Variants in PRCD observed in about 807,000 individuals in gnomAD.
PRCD encodes the protein photoreceptor disc component.
PRCD carries 12 observed loss-of-function variants against 10.1 expected under a neutral mutation model. The ratio of observed to expected loss-of-function variants is 1.18; its 90% CI spans 0.76 to 1.92. PRCD has a LOEUF of 1.92. Among genes scored for constraint, PRCD ranks in the 40% most tolerant of loss-of-function variants. The pLI is 0.00. For synonymous variants in PRCD, 31 were observed against 26.2 expected, an observed-to-expected ratio of 1.18 and a Z score of -0.56; for missense variants, 61 against 72.2, an observed-to-expected ratio of 0.84 and a Z score of 0.56.
Position 76,528,547 on chromosome 17 carries a change from G to A in PRCD, n.45+714G>A. On this transcript the variant is annotated intron_variant and non_coding_transcript_variant, in intron 1 of 4. Coordinates refer to the PRCD transcript ENST00000397633. This position sits in a 1 kb window ranked among gnomAD's most constrained non-coding sequence, Gnocchi z 5.8. ...CAGAACTCGGCCTTCTGCTCGAGGT[G>A]CTGCCAGGGAGGGGGGTGGAGTTAG... is the stretch of plus-strand genomic sequence containing the variant. 2 of 1,289,212 alleles carry A rather than the reference G, an allele frequency of 1.6e-6. No homozygotes were observed. Among genetic ancestry groups the A allele is most frequent in the Non-Finnish European group, 2.0e-6 (2 of 1,009,676 alleles). 79.9% of individuals were successfully genotyped at this position (1,289,212 alleles called of 1,614,324 possible). A position where few individuals can be genotyped will look rare whatever the true frequency, so the allele number is the denominator to read the frequency against.
At chr17:76,543,143 C>T (rs925035131) in intron 4 of PRCD, 22 bp downstream of exon 4, 9 of 467,728 alleles carry the variant, frequency 1.9e-5, no homozygotes, top group East Asian at 7.0e-5. Context: ...CCTCTCAGCC[C>T]GGGACCTGCC....
At chr17:76,534,592 A>G (rs1331991758) in intron 1 of PRCD, among the ~76,000 whole-genome samples, 1 of 152,254 alleles carries the variant, frequency 6.6e-6, no homozygotes. Context: ...AATCCTTGCA[A>G]TTCTCTCCTG....
chr17:76,544,909 G>C lies in PRCD; in HGVS notation c.*1259G>C, dbSNP rs144852411. 2.2e-6 allele frequency: 1 copy of C among 456,782 alleles called. No homozygotes were observed. The highest frequency in any genetic ancestry group is 1.5e-5 in the South Asian group (1 of 64,570). The allele number at this position is 456,782 out of a possible 1,614,324, so 28.3% of individuals were successfully genotyped here. A position where few individuals can be genotyped will look rare whatever the true frequency, so the allele number is the denominator to read the frequency against. ...CAGCGCCCCTCCACGCCACTGTTCC[G>C]AGAACCTGCGCAGGAGGTGGTGGCT... is the stretch of plus-strand genomic sequence containing the variant. On this transcript the variant is annotated 3_prime_UTR_variant, in exon 5 of 5. Transcript: ENST00000592014.
Position 76,530,016 on chromosome 17 carries a change from C to A in PRCD, n.45+2183C>A. ...GCCCTCAGGGGACCTCCTCCAGGAG[C>A]TGTGCCTGTGAACAGAAGGGCCGGC... On this transcript the variant is annotated intron_variant and non_coding_transcript_variant, in intron 1 of 4. Coordinates refer to the PRCD transcript ENST00000397633. The surrounding 1 kb of genome is among the most constrained non-coding windows in gnomAD (Gnocchi z 6.1). 1.0e-6 allele frequency: 1 copy of A among 985,372 alleles called. No individual in the cohort carries two copies. Among genetic ancestry groups the A allele is most frequent in the Non-Finnish European group, 1.2e-6 (1 of 829,910 alleles). 61.0% of individuals were successfully genotyped at this position (985,372 alleles called of 1,614,324 possible). A position where few individuals can be genotyped will look rare whatever the true frequency, so the allele number is the denominator to read the frequency against.
chr17:76,540,252 G>T lies in PRCD; in HGVS notation c.74+37G>T, dbSNP rs772352854. 2 of 925,442 alleles carry T rather than the reference G, an allele frequency of 2.2e-6. No individual in the cohort carries two copies. Among genetic ancestry groups the T allele is most frequent in the Admixed American group, 2.4e-5 (1 of 41,996 alleles). 57.3% of individuals were successfully genotyped at this position (925,442 alleles called of 1,614,324 possible). A position where few individuals can be genotyped will look rare whatever the true frequency, so the allele number is the denominator to read the frequency against. On this transcript the variant is annotated intron_variant, in intron 1 of 4. Transcript: ENST00000592014. The surrounding 1 kb of genome is among the most constrained non-coding windows in gnomAD (Gnocchi z 5.0). Reference sequence around the variant, plus strand: ...ACCGGGCTATGGCTGGCGGTTGGTCGGGGGGGGGGGGCATGGGGCTGGGCT... The same window carrying T: ...ACCGGGCTATGGCTGGCGGTTGGTCTGGGGGGGGGGGCATGGGGCTGGGCT...
At chr17:76,529,929 G>A in intron 1 of PRCD, 1 of 985,344 alleles carries the variant, frequency 1.0e-6, no homozygotes, top group Non-Finnish European at 1.2e-6. Context: ...AGGGGAGCAG[G>A]AGCCAGCCCG....
intron 2 of PRCD, among the ~76,000 whole-genome samples, chr17:76,541,535 C>A (rs1351867113): frequency 1.3e-5 from 2 of 152,268 alleles, no homozygotes; most frequent in Admixed American, 1.3e-4. Context: ...TGTCTCCTGT[C>A]GTCTGAGTCC....
upstream of PRCD, among the ~76,000 whole-genome samples, chr17:76,535,256 G>A (rs1480683606): frequency 6.6e-6 from 1 of 152,212 alleles, no homozygotes; most frequent in Non-Finnish European, 1.5e-5. Context: ...GAGGGTGCTG[G>A]CCTGGCGCAG....
At position 76,534,473 on chromosome 17, in the gene PRCD, C is replaced by T. The variant is rs144721757; in HGVS notation, n.46-6032C>T. 1.2e-3 allele frequency among the ~76,000 whole-genome samples: 181 copies of T among 152,288 alleles called. 1 individual carries two copies. Among genetic ancestry groups the T allele is most frequent in the African/African-American group, 4.2e-3 (174 of 41,544 alleles). ...GGATTACAGGTGTGAGCCACGGTGCCCGGCCTGTTATTGTATTTAATTGCC... is the reference window on the plus strand; with the variant it reads ...GGATTACAGGTGTGAGCCACGGTGCTCGGCCTGTTATTGTATTTAATTGCC... On this transcript the variant is annotated intron_variant and non_coding_transcript_variant, in intron 1 of 4. Coordinates refer to the PRCD transcript ENST00000397633.
Position 76,544,085 on chromosome 17 carries a change from A to C in PRCD, c.*435A>C, listed in dbSNP as rs554598037. 2.2e-6 allele frequency: 1 copy of C among 454,500 alleles called. No individual in the cohort carries two copies. Among genetic ancestry groups the C allele is most frequent in the Non-Finnish European group, 4.4e-6 (1 of 226,968 alleles). 28.2% of individuals were successfully genotyped at this position (454,500 alleles called of 1,614,324 possible). On this transcript the variant is annotated 3_prime_UTR_variant, in exon 5 of 5. Transcript: ENST00000592014. The stretch of plus-strand genomic sequence containing the variant: ...GCCATTTCTCTCTTTTCAATCCTGC[A>C]TGATCCTGAGCAGAGATAAAAGCAG...
chr17:76,552,601 T>C (rs1053494185), intron 1 of PRCD, among the ~76,000 whole-genome samples: 5 of 151,950 alleles, frequency 3.3e-5, no homozygotes, highest in African/African-American at 1.2e-4. Context: ...TGATGGCTCA[T>C]GCTTGTGATT....
chr17:76,538,624 C>A, upstream of PRCD: 1 of 376,524 alleles, frequency 2.7e-6, no homozygotes, highest in South Asian at 1.9e-5. Flanking sequence ...AAGGCGCAGG[C>A]TGCTGGGGAC....
Position 76,543,469 on chromosome 17 carries a change from C to A in PRCD, c.*153-334C>A, listed in dbSNP as rs1415265985. On this transcript the variant is annotated intron_variant, in intron 4 of 4. Coordinates refer to ENST00000592014, the MANE Select transcript of PRCD (RefSeq NM_001077620.3). Reference sequence around the variant, plus strand: ...GCTTCCATTCATTCTGTAATTTAATCTTCAGTCACCCACAGAGCCTGGTAA... The same window carrying A: ...GCTTCCATTCATTCTGTAATTTAATATTCAGTCACCCACAGAGCCTGGTAA... 8.8e-6 allele frequency: 3 copies of A among 341,110 alleles called. No individual in the cohort carries two copies. The East Asian group carries it at 2.3e-4, about 26-fold the overall frequency. The allele number at this position is 341,110 out of a possible 1,614,324, so 21.1% of individuals were successfully genotyped here.
rs1002908824 is a variant in PRCD, at chr17:76,530,682, T to G, written n.45+2849T>G. Among the ~76,000 whole-genome samples the G allele has an allele frequency of 1.3e-5, 2 of 152,194 alleles. No homozygotes were observed. The highest frequency in any genetic ancestry group is 2.9e-5 in the Non-Finnish European group (2 of 68,032). Reference sequence around the variant, plus strand: ...CAGGAGCCTCTGGCGCCTCTCTGCCTGGGCAGCTGTGGCTTTGGGTGCTCT... The same window carrying G: ...CAGGAGCCTCTGGCGCCTCTCTGCCGGGGCAGCTGTGGCTTTGGGTGCTCT... On this transcript the variant is annotated intron_variant and non_coding_transcript_variant, in intron 1 of 4. Transcript: ENST00000397633. The surrounding 1 kb of genome is among the most constrained non-coding windows in gnomAD (Gnocchi z 6.1).
chr17:76,531,675 G>A lies in PRCD; in HGVS notation n.45+3842G>A. 3 of 1,595,890 alleles carry A rather than the reference G, an allele frequency of 1.9e-6. No homozygotes were observed. Among genetic ancestry groups the A allele is most frequent in the South Asian group, 2.2e-5 (2 of 90,620 alleles). ...TGGCTGAAGTACTGCTTGGCCGAGGGGAAGTTCACAAAGAACCTGGCAAGA... is the reference window on the plus strand; with the variant it reads ...TGGCTGAAGTACTGCTTGGCCGAGGAGAAGTTCACAAAGAACCTGGCAAGA... On this transcript the variant is annotated intron_variant and non_coding_transcript_variant, in intron 1 of 4. Transcript: ENST00000397633. This position sits in a 1 kb window ranked among gnomAD's most constrained non-coding sequence, Gnocchi z 7.4.
Position 76,540,261 on chromosome 17 carries a change from G to T in PRCD, c.74+46G>T, listed in dbSNP as rs769134763. The T allele has an allele frequency of 3.6e-6, 3 of 826,466 alleles. No individual in the cohort carries two copies. The highest frequency in any genetic ancestry group is 1.6e-5 in the African/African-American group (1 of 61,384). The allele number at this position is 826,466 out of a possible 1,614,324, so 51.2% of individuals were successfully genotyped here. A position where few individuals can be genotyped will look rare whatever the true frequency, so the allele number is the denominator to read the frequency against. ...TGGCTGGCGGTTGGTCGGGGGGGGG[G>T]GGCATGGGGCTGGGCTGCCACCAAG... On this transcript the variant is annotated intron_variant, in intron 1 of 4. Coordinates refer to ENST00000592014, the MANE Select transcript of PRCD (RefSeq NM_001077620.3). The surrounding 1 kb of genome is among the most constrained non-coding windows in gnomAD (Gnocchi z 5.0).
chr17:76,537,215 G>C (rs2074926167), upstream of PRCD, among the ~76,000 whole-genome samples: 1 of 152,200 alleles, frequency 6.6e-6, no homozygotes, highest in African/African-American at 2.4e-5. Context: ...CGGAGCCAGG[G>C]AAGGCTCAAC....
upstream of PRCD, chr17:76,527,605 G>GGCA: frequency 2.2e-6 from 1 of 453,124 alleles, no homozygotes; most frequent in Non-Finnish European, 4.4e-6. Context: ...GCCGACTGCC[G>GGCA]GCCAGGAGGA....
At chr17:76,551,090 G>T (rs1242017463) in intron 1 of PRCD, 1 of 152,238 alleles carries the variant, frequency 6.6e-6, no homozygotes, top group African/African-American at 2.4e-5. Flanking sequence ...CACCAGGAAG[G>T]TGCCACGATG....
Sources: allele counts gnomAD v4.1 joint callset (sites outside exome capture counted in the v4.1 genomes callset), GRCh38; gene constraint gnomAD v4.1.1; non-coding constraint Gnocchi (gnomAD v3.1); transcripts MANE v1.5; gene names NCBI Gene and HGNC (gene_info 2026-07-23, HGNC 2026-07-21).